PDE4D: variants seen among roughly 807,000 people sequenced by gnomAD.
PDE4D encodes 3',5'-cyclic-AMP phosphodiesterase 4D.
In PDE4D, 24 loss-of-function variants were observed where a neutral mutation model predicts 87.4. The ratio of observed to expected loss-of-function variants is 0.27; its 90% CI spans 0.20 to 0.39. The LOEUF is 0.39. Ranked by LOEUF, PDE4D falls within the 10% of genes least tolerant of loss-of-function variation. The probability of loss-of-function intolerance (pLI) is 1.00; values close to 1 mark genes in which losing one functional copy is unlikely to be tolerated. For synonymous variants in PDE4D, 384 were observed against 383.2 expected (o/e 1.00, Z -0.02); for missense variants, 714 against 1,041.0 (o/e 0.69, Z 4.32).
intron 1 of PDE4D, chr5:60,460,421 C>T: frequency 8.0e-7 from 1 of 1,256,678 alleles, no homozygotes; most frequent in Non-Finnish European, 1.2e-6. Context: ...TCCAGCAGGG[C>T]AGACACTTGT....
intron 2 of PDE4D, among the ~76,000 whole-genome samples, chr5:60,172,442 C>T (rs541788426): frequency 6.6e-6 from 1 of 151,982 alleles, no homozygotes; most frequent in East Asian, 1.9e-4. Flanking sequence ...GCTTCACCAA[C>T]CCTAATTATT....
At chr5:60,195,265 G>A (rs115385145) in intron 1 of PDE4D, among the ~76,000 whole-genome samples, 2,254 of 151,588 alleles carry the variant, frequency 0.015, 59 homozygotes, top group African/African-American at 0.052. Context: ...GCCTCCCACA[G>A]TATATTTGTC....
At chr5:59,781,514 G>A (rs778338927) in intron 1 of PDE4D, among the ~76,000 whole-genome samples, 4 of 151,902 alleles carry the variant, frequency 2.6e-5, no homozygotes, top group Non-Finnish European at 5.9e-5. Flanking sequence ...TGGGCCGAGC[G>A]CAGTGGCTCA....
At chr5:59,546,047 C>A (rs1353629595) in intron 1 of PDE4D, among the ~76,000 whole-genome samples, 1 of 152,022 alleles carries the variant, frequency 6.6e-6, no homozygotes, top group Non-Finnish European at 1.5e-5. Context: ...AATAAGCATA[C>A]AACAGTTGTT....
At chr5:59,299,121 C>T (rs1769674400) in intron 1 of PDE4D, among the ~76,000 whole-genome samples, 1 of 152,162 alleles carries the variant, frequency 6.6e-6, no homozygotes, top group South Asian at 2.1e-4. Context: ...TTACAAAGAC[C>T]AGTAGCTCCT....
intron 1 of PDE4D, among the ~76,000 whole-genome samples, chr5:59,664,854 T>G (rs1580259727): frequency 6.6e-6 from 1 of 152,204 alleles, no homozygotes; most frequent in Non-Finnish European, 1.5e-5. Context: ...ACAATGAATA[T>G]ATTCTCGTCA....
chr5:60,336,407 A>G (rs1458054852), intron 1 of PDE4D, among the ~76,000 whole-genome samples: 2 of 152,186 alleles, frequency 1.3e-5, no homozygotes, highest in African/African-American at 4.8e-5. Flanking sequence ...ATAACTCAGC[A>G]AAGGTTCATT....
intron 1 of PDE4D, among the ~76,000 whole-genome samples, chr5:59,273,725 T>C (rs1482444552): frequency 6.6e-6 from 1 of 152,132 alleles, no homozygotes; most frequent in Non-Finnish European, 1.5e-5. Flanking sequence ...AATACACACA[T>C]TAACAAATCA....
intron 1 of PDE4D, among the ~76,000 whole-genome samples, chr5:59,274,313 T>A (rs1247703977): frequency 6.6e-6 from 1 of 152,160 alleles, no homozygotes; most frequent in Non-Finnish European, 1.5e-5. Context: ...GCAATTCTTG[T>A]TTCTGGTTGA....
intron 2 of PDE4D, among the ~76,000 whole-genome samples, chr5:60,126,843 T>C (rs1779161365): frequency 6.6e-6 from 1 of 152,234 alleles, no homozygotes; most frequent in South Asian, 2.1e-4. Flanking sequence ...TAGGTACTAC[T>C]GATGCAGTGA....
chr5:59,709,547 G>A (rs1319550151), intron 1 of PDE4D, among the ~76,000 whole-genome samples: 1 of 152,196 alleles, frequency 6.6e-6, no homozygotes, highest in Non-Finnish European at 1.5e-5. Context: ...TACAGATGAA[G>A]CTGCTCTTTA....
At chr5:59,837,825 A>G (rs1355381611) in intron 1 of PDE4D, among the ~76,000 whole-genome samples, 1 of 152,098 alleles carries the variant, frequency 6.6e-6, no homozygotes, top group Non-Finnish European at 1.5e-5. Context: ...ATGAAAGTTC[A>G]CCAATATTTT....
chr5:59,132,453 G>A (rs1019697401), intron 5 of PDE4D, among the ~76,000 whole-genome samples: 4 of 152,092 alleles, frequency 2.6e-5, no homozygotes, highest in African/African-American at 9.7e-5. Flanking sequence ...TAACTTTTAC[G>A]TGATTCAGTA....
At chr5:59,885,011 T>C (rs1206990791) in intron 1 of PDE4D, among the ~76,000 whole-genome samples, 1 of 152,032 alleles carries the variant, frequency 6.6e-6, no homozygotes, top group Admixed American at 6.6e-5. Context: ...TGCTCTTTAT[T>C]ATAGTATGAA....
chr5:59,188,965 C>T (rs774314591), intron 3 of PDE4D, among the ~76,000 whole-genome samples: 1 of 152,030 alleles, frequency 6.6e-6, no homozygotes, highest in Non-Finnish European at 1.5e-5. Flanking sequence ...CCGACTGAAA[C>T]GAGGTGACTA....
intron 1 of PDE4D, among the ~76,000 whole-genome samples, chr5:59,450,791 C>G (rs552798538): frequency 6.6e-6 from 1 of 152,234 alleles, no homozygotes; most frequent in South Asian, 2.1e-4. Flanking sequence ...CTCCTGTTAC[C>G]AACTCGGGCA....
chr5:60,155,930 T>C (rs923516659), intron 2 of PDE4D, among the ~76,000 whole-genome samples: 1 of 152,234 alleles, frequency 6.6e-6, no homozygotes, highest in African/African-American at 2.4e-5. Context: ...CCTAGTATTC[T>C]GGATGTTTCA....
intron 1 of PDE4D, among the ~76,000 whole-genome samples, chr5:59,839,118 G>A (rs982763921): frequency 2.0e-5 from 3 of 151,962 alleles, no homozygotes; most frequent in African/African-American, 4.8e-5. Flanking sequence ...TCCACTGAAC[G>A]TTGAGTCAGT....
At chr5:60,320,383 C>T (rs1436306211) in intron 1 of PDE4D, among the ~76,000 whole-genome samples, 1 of 152,192 alleles carries the variant, frequency 6.6e-6, no homozygotes, top group Non-Finnish European at 1.5e-5. Context: ...CGTCTGTCAC[C>T]CCTTTCTTTG....
Sources: gnomAD v4.1 joint callset for allele counts (sites outside exome capture counted in the v4.1 genomes callset) on GRCh38, gnomAD v4.1.1 for gene constraint, MANE v1.5 for transcripts, NCBI Gene and HGNC (gene_info 2026-07-23, HGNC 2026-07-21) for gene names.